The following IL15RA variants were observed in gnomAD, a reference collection of about 807,000 sequenced individuals.
IL15RA encodes interleukin-15 receptor subunit alpha.
A neutral mutation model predicts 24.2 loss-of-function variants in IL15RA; 26 were observed. The ratio of observed to expected loss-of-function variants is 1.07; its 90% CI spans 0.79 to 1.49. The LOEUF (loss-of-function observed/expected upper bound fraction) is 1.49. Ranked by LOEUF, IL15RA falls within the 40% of genes most tolerant of loss-of-function variation. The pLI is 0.00. For synonymous variants in IL15RA, 166 were observed against 157.6 expected (o/e 1.05, Z -0.40); for missense variants, 354 against 356.4 (o/e 0.99, Z 0.05).
In IL15RA at chr10:5,975,015, G is replaced by A. The variant is rs1030863353; in HGVS notation, c.88+2390C>T. Among the ~76,000 whole-genome samples the A allele has an allele frequency of 2.1e-4, 28 of 133,760 alleles. No individual in the cohort carries two copies. Among genetic ancestry groups the A allele is most frequent in the African/African-American group, 7.2e-4 (28 of 39,044 alleles). The allele number at this position is 133,760 out of a possible 152,430, so 87.8% of individuals were successfully genotyped here. Reference sequence around the variant, plus strand: ...GCTTGGGAAACAATGGTGTGACATTGTTTCAAAAAAAAAAAAATTAAACAT... The same window carrying A: ...GCTTGGGAAACAATGGTGTGACATTATTTCAAAAAAAAAAAAATTAAACAT... On this transcript the variant is annotated intron_variant, in intron 1 of 6. Coordinates refer to ENST00000379977, the MANE Select transcript of IL15RA (RefSeq NM_002189.4). The surrounding 1 kb of genome is among the most constrained non-coding windows in gnomAD (Gnocchi z 4.8).
chr10:5,959,734 G>A lies in IL15RA; in HGVS notation c.616+20C>T, dbSNP rs750932170. Reference sequence around the variant, plus strand: ...CGGTCACCCTGATCATAAACATACCGGACAAAGGGACACACTTACCAGTGG... The same window carrying A: ...CGGTCACCCTGATCATAAACATACCAGACAAAGGGACACACTTACCAGTGG... On this transcript the variant is annotated intron_variant, in intron 5 of 6. Transcript: ENST00000379977. This position sits in a 1 kb window ranked among gnomAD's most constrained non-coding sequence, Gnocchi z 4.1. 17 of 1,611,934 alleles carry A rather than the reference G, an allele frequency of 1.1e-5. No individual in the cohort carries two copies. The highest frequency in any genetic ancestry group is 2.2e-5 in the East Asian group (1 of 44,880).
chr10:5,962,642 A>C lies in IL15RA; in HGVS notation c.382+1101T>G, dbSNP rs1298537184. 6.6e-6 allele frequency among the ~76,000 whole-genome samples: 1 copy of C among 151,262 alleles called. No homozygotes were observed. The highest frequency in any genetic ancestry group is 1.5e-5 in the Non-Finnish European group (1 of 67,888). On this transcript the variant is annotated intron_variant, in intron 3 of 6. Coordinates refer to ENST00000379977, the MANE Select transcript of IL15RA (RefSeq NM_002189.4). The surrounding 1 kb of genome is among the most constrained non-coding windows in gnomAD (Gnocchi z 5.2). ...CTGGGGCTGGAGAGGCGTGAGTCCC[A>C]GATTGCACCCAGGCCAACTGGAGTG...
intron 1 of IL15RA, among the ~76,000 whole-genome samples, chr10:5,969,267 T>TTAATTAAAATTTTA (rs1837164808): frequency 6.7e-6 from 1 of 150,104 alleles, no homozygotes; most frequent in South Asian, 2.1e-4. Context: ...ATTTTTAAAT[T>TTAATTAAAATTTTA]TAATTAAAAT....
rs1837474141 is a variant in IL15RA at position 5,970,804 on chromosome 10, A to T, written c.89-4465T>A. ...GAGACAGGGTCTAGCTCTGTCACCC[A>T]GGCTAGAGCACAATGGCATGATTAT... On this transcript the variant is annotated intron_variant, in intron 1 of 6. Transcript: ENST00000379977. The surrounding 1 kb of genome is among the most constrained non-coding windows in gnomAD (Gnocchi z 4.1). Among the ~76,000 whole-genome samples the T allele has an allele frequency of 6.6e-6, 1 of 151,306 alleles. No homozygotes were observed.
intron 1 of IL15RA, among the ~76,000 whole-genome samples, chr10:5,969,882 G>A (rs973048942): frequency 1.3e-5 from 2 of 152,270 alleles, no homozygotes; most frequent in African/African-American, 4.8e-5. Flanking sequence ...TGCCAGCCTT[G>A]TACATCTTTT....
At position 5,962,812 on chromosome 10, in the gene IL15RA, C is replaced by T. The variant is rs1023727858; in HGVS notation, c.382+931G>A. 5.9e-5 allele frequency among the ~76,000 whole-genome samples: 9 copies of T among 152,062 alleles called. No homozygotes were observed. The East Asian group carries it at 1.2e-3, about 20-fold the overall frequency. ...GGACCAGGGAAAGCCACAGGCTGGA[C>T]GATGCAACACTAAAGCCAAGAGTGA... On this transcript the variant is annotated intron_variant, in intron 3 of 6. Transcript: ENST00000379977. The surrounding 1 kb of genome is among the most constrained non-coding windows in gnomAD (Gnocchi z 5.2).
At position 5,975,953 on chromosome 10, in the gene IL15RA, G is replaced by A. The variant is rs1838384759; in HGVS notation, c.88+1452C>T. Among the ~76,000 whole-genome samples, 2 of 152,084 alleles carry A rather than the reference G, an allele frequency of 1.3e-5. No homozygotes were observed. Among genetic ancestry groups the A allele is most frequent in the African/African-American group, 4.8e-5 (2 of 41,416 alleles). ...AAAAAACATTGAGAGCTTTGGGAAG[G>A]GAAGGTAGCAACATCTTTCTAAGGT... is the stretch of plus-strand genomic sequence containing the variant. On this transcript the variant is annotated intron_variant, in intron 1 of 6. Coordinates refer to ENST00000379977, the MANE Select transcript of IL15RA (RefSeq NM_002189.4). The surrounding 1 kb of genome is among the most constrained non-coding windows in gnomAD (Gnocchi z 4.8).
chr10:5,956,955 C>T (rs967528520), intron 5 of IL15RA, among the ~76,000 whole-genome samples: 5 of 143,092 alleles, frequency 3.5e-5, no homozygotes, highest in Non-Finnish European at 7.5e-5. Context: ...TTTTCACTTG[C>T]AATTTTTTTT....
In IL15RA at chr10:5,958,429, A is replaced by G; in HGVS notation, c.616+1325T>C. 1 of 372,448 alleles carries G rather than the reference A, an allele frequency of 2.7e-6. No individual in the cohort carries two copies. Among genetic ancestry groups the G allele is most frequent in the Non-Finnish European group, 5.5e-6 (1 of 181,932 alleles). 23.1% of individuals were successfully genotyped at this position (372,448 alleles called of 1,614,324 possible). A position where few individuals can be genotyped will look rare whatever the true frequency, so the allele number is the denominator to read the frequency against. On this transcript the variant is annotated intron_variant, in intron 5 of 6. Coordinates refer to ENST00000379977, the MANE Select transcript of IL15RA (RefSeq NM_002189.4). This position sits in a 1 kb window ranked among gnomAD's most constrained non-coding sequence, Gnocchi z 4.3. ...GAGACAGGGTCCTGTCCTGTTGCCC[A>G]GGCCAGAGTGCAGTGGTGTGATCAC...
Position 5,958,264 on chromosome 10 carries a change from G to C in IL15RA, c.616+1490C>G. The C allele has an allele frequency of 2.2e-6, 1 of 448,970 alleles. No homozygotes were observed. Among genetic ancestry groups the C allele is most frequent in the East Asian group, 7.0e-5 (1 of 14,216 alleles). The allele number at this position is 448,970 out of a possible 1,614,324, so 27.8% of individuals were successfully genotyped here. On this transcript the variant is annotated intron_variant, in intron 5 of 6. Transcript: ENST00000379977. The surrounding 1 kb of genome is among the most constrained non-coding windows in gnomAD (Gnocchi z 4.3). ...ACAGAAAAGGAGAAAAGAAGCAACTGTCCAGCATTCCTTATCCTCTATATG... is the reference window on the plus strand; with the variant it reads ...ACAGAAAAGGAGAAAAGAAGCAACTCTCCAGCATTCCTTATCCTCTATATG...
Position 5,973,384 on chromosome 10 carries a change from T to C in IL15RA, c.88+4021A>G, listed in dbSNP as rs1192142314. 6.6e-6 allele frequency among the ~76,000 whole-genome samples: 1 copy of C among 152,256 alleles called. No homozygotes were observed. Among genetic ancestry groups the C allele is most frequent in the East Asian group, 1.9e-4 (1 of 5,206 alleles). On this transcript the variant is annotated intron_variant, in intron 1 of 6. Coordinates refer to ENST00000379977, the MANE Select transcript of IL15RA (RefSeq NM_002189.4). The surrounding 1 kb of genome is among the most constrained non-coding windows in gnomAD (Gnocchi z 4.5). ...TTTGTTAGATTTATCCGTAAGTATCTAATGCTTTTTAATGTTATTTCAAAT... is the reference window on the plus strand; with the variant it reads ...TTTGTTAGATTTATCCGTAAGTATCCAATGCTTTTTAATGTTATTTCAAAT...
chr10:5,949,503 G>A (rs1231032667), downstream of IL15RA, among the ~76,000 whole-genome samples: 2 of 152,150 alleles, frequency 1.3e-5, no homozygotes, highest in African/African-American at 4.8e-5. This position sits in a 1 kb window ranked among gnomAD's most constrained non-coding sequence, Gnocchi z 4.4. Context: ...CAGCCCTGGG[G>A]TGAGACAAAC....
Position 5,960,989 on chromosome 10 carries a change from C to T in IL15RA, c.383-422G>A, listed in dbSNP as rs566776908. On this transcript the variant is annotated intron_variant, in intron 3 of 6. Coordinates refer to ENST00000379977, the MANE Select transcript of IL15RA (RefSeq NM_002189.4). This position sits in a 1 kb window ranked among gnomAD's most constrained non-coding sequence, Gnocchi z 5.1. ...AGTGCAGTGGCGCGATCTCAGCTCA[C>T]TGCAACCTCTGCCTTCCGGGTTCAG... is the stretch of plus-strand genomic sequence containing the variant. 3.3e-5 allele frequency among the ~76,000 whole-genome samples: 5 copies of T among 152,274 alleles called. No individual in the cohort carries two copies. The East Asian group carries it at 9.6e-4, about 29-fold the overall frequency.
In IL15RA at chr10:5,959,030, G is replaced by A. The variant is rs1835033773; in HGVS notation, c.616+724C>T. On this transcript the variant is annotated intron_variant, in intron 5 of 6. Coordinates refer to ENST00000379977, the MANE Select transcript of IL15RA (RefSeq NM_002189.4). This position sits in a 1 kb window ranked among gnomAD's most constrained non-coding sequence, Gnocchi z 4.1. ...AGCTTTTTCTTTTAGTCTTGTAAAC[G>A]CTTTCCCCTTTTCCTCCTTATCATC... Among the ~76,000 whole-genome samples, 2 of 151,730 alleles carry A rather than the reference G, an allele frequency of 1.3e-5. No individual in the cohort carries two copies. The highest frequency in any genetic ancestry group is 2.9e-5 in the Non-Finnish European group (2 of 67,970).
chr10:5,976,419 T>A (rs994523546), intron 1 of IL15RA, among the ~76,000 whole-genome samples: 1 of 152,178 alleles, frequency 6.6e-6, no homozygotes, highest in African/African-American at 2.4e-5. Context: ...ACACAGATCA[T>A]GGCGTTACTA....
rs1312868270 is a variant in IL15RA, at chr10:5,968,953, T to A, written c.89-2614A>T. 1.3e-6 allele frequency: 2 copies of A among 1,535,068 alleles called. No homozygotes were observed. Among genetic ancestry groups the A allele is most frequent in the South Asian group, 2.4e-5 (2 of 84,042 alleles). ...TCTGTAACAGGTTTTGTACAGGAAG[T>A]GTTCCCTGCCCATTTCCAGCAGCCG... On this transcript the variant is annotated intron_variant, in intron 1 of 6. Transcript: ENST00000379977. The surrounding 1 kb of genome is among the most constrained non-coding windows in gnomAD (Gnocchi z 5.4).
At chr10:5,951,555 G>A (rs570496713), downstream of IL15RA, among the ~76,000 whole-genome samples, 43 of 152,312 alleles carry the variant, frequency 2.8e-4, no homozygotes, top group Non-Finnish European at 4.9e-4. Flanking sequence ...GCTGGGCGCC[G>A]TGGCTCACGC....
rs1833966044 is a variant in IL15RA at position 5,952,601 on chromosome 10, T to G, written c.*494A>C. ...CCTTTCCCAGGTCCCTGTCCATGTG[T>G]GCAGAGCAGCTGGAGACAGGGTGGT... is the stretch of plus-strand genomic sequence containing the variant. On this transcript the variant is annotated 3_prime_UTR_variant, in exon 7 of 7. Transcript: ENST00000379977. 6.0e-6 allele frequency: 1 copy of G among 167,200 alleles called. No individual in the cohort carries two copies. The highest frequency in any genetic ancestry group is 2.4e-5 in the African/African-American group (1 of 41,622). 10.4% of individuals were successfully genotyped at this position (167,200 alleles called of 1,614,324 possible).
At chr10:5,950,928 A>G (rs961577352), downstream of IL15RA, 1 of 152,214 alleles carries the variant, frequency 6.6e-6, no homozygotes, top group Non-Finnish European at 1.5e-5. The surrounding 1 kb of genome is among the most constrained non-coding windows in gnomAD (Gnocchi z 5.6). Flanking sequence ...GCTTGGGCTC[A>G]CAAGTTCAAG....
Sources: gnomAD v4.1 joint callset for allele counts (sites outside exome capture counted in the v4.1 genomes callset) on GRCh38, gnomAD v4.1.1 for gene constraint, Gnocchi (gnomAD v3.1) non-coding constraint, MANE v1.5 for transcripts, NCBI Gene and HGNC (gene_info 2026-07-23, HGNC 2026-07-21) for gene names.